PXDN: variants seen among roughly 807,000 people sequenced by gnomAD.
The protein encoded by PXDN is peroxidasin.
In PXDN, 77 loss-of-function variants were observed where a neutral mutation model predicts 140.3. The observed-to-expected ratio is 0.55, with a 90% confidence interval of 0.46 to 0.66. PXDN has a LOEUF of 0.66. Among genes scored for constraint, PXDN ranks in the 30% least tolerant of loss-of-function variants. The pLI, the probability that PXDN is intolerant of heterozygous loss-of-function variation, is 0.00. For missense variants in PXDN, 1,838 were observed against 2,039.5 expected, an observed-to-expected ratio of 0.90 and a Z score of 1.90; for synonymous variants, 911 against 857.4, an observed-to-expected ratio of 1.06 and a Z score of -1.09.
At chr2:1,717,013 G>A (rs1457176984) in intron 1 of PXDN, among the ~76,000 whole-genome samples, 1 of 152,104 alleles carries the variant, frequency 6.6e-6, no homozygotes, top group African/African-American at 2.4e-5. Flanking sequence ...ACAGCCCCTT[G>A]GTAAGCACGA....
rs182423281 is a variant in PXDN, at chr2:1,721,611, C to T, written c.200+22645G>A. 3.0e-3 allele frequency among the ~76,000 whole-genome samples: 450 copies of T among 152,202 alleles called. 12 individuals are homozygous for T. Among genetic ancestry groups the T allele is most frequent in the East Asian group, 9.7e-4 (5 of 5,140 alleles). ...CAGCACTTTGGGAGGCCGAGGCGGG[C>T]GGATCACGAGGTCAGGAGATCAAGA... On this transcript the variant is annotated intron_variant, in intron 1 of 22. Coordinates refer to ENST00000252804, the MANE Select transcript of PXDN (RefSeq NM_012293.3).
intron 1 of PXDN, among the ~76,000 whole-genome samples, chr2:1,728,185 G>A (rs1218070427): frequency 6.6e-6 from 1 of 152,166 alleles, no homozygotes; most frequent in African/African-American, 2.4e-5. Context: ...AGATCCATCC[G>A]CCTCAGCCTC....
rs1451552405 is a variant in PXDN at position 1,649,503 on chromosome 2, C to T, written c.2277G>A (p.Ser759=). 4 of 1,613,864 alleles carry T rather than the reference C, an allele frequency of 2.5e-6. No homozygotes were observed. In the South Asian group the frequency reaches 3.3e-5, roughly 13 times the overall value. The change falls in exon 17 of 23, where the codon TCG becomes TCA. Residue 759 remains serine, a synonymous_variant. Coordinates refer to ENST00000252804, the MANE Select transcript of PXDN (RefSeq NM_012293.3). The surrounding 1 kb of genome is among the most constrained non-coding windows in gnomAD (Gnocchi z 7.1). ...TCAGCAGGCGCTCGAAGGCGGTCAG[C>T]GAGGCGCCCCACATGGGGTGCTGCA... The part of the protein sequence containing the change: ...NNLQHPMWGA[S]LTAFERLLKS...
At chr2:1,670,819 G>C (rs945649647) in intron 9 of PXDN, among the ~76,000 whole-genome samples, 1 of 152,128 alleles carries the variant, frequency 6.6e-6, no homozygotes, top group African/African-American at 2.4e-5. Flanking sequence ...CTGTGCCCTC[G>C]GCATGAGAAA....
intron 1 of PXDN, among the ~76,000 whole-genome samples, chr2:1,726,983 C>T (rs1380965143): frequency 1.3e-5 from 2 of 152,130 alleles, no homozygotes; most frequent in African/African-American, 4.8e-5. Context: ...ATGTCCTGGA[C>T]CCCCGGAAGG....
chr2:1,721,814 A>AAAAT (rs3083574), intron 1 of PXDN, among the ~76,000 whole-genome samples: 52,283 of 151,140 alleles, frequency 0.35, 10,043 homozygotes, highest in Admixed American at 0.47. Context: ...ACTCCGTCTC[A>AAAAT]AAATAAATAA....
chr2:1,689,784 CA>C (rs59005952), intron 3 of PXDN, among the ~76,000 whole-genome samples: 270 of 118,280 alleles, frequency 2.3e-3, no homozygotes, highest in South Asian at 0.012. Context: ...AACTCCACCT[CA>C]AAAAAAAAAA....
At chr2:1,706,301 T>C (rs562645341) in intron 1 of PXDN, among the ~76,000 whole-genome samples, 2 of 152,324 alleles carry the variant, frequency 1.3e-5, no homozygotes, top group Non-Finnish European at 2.9e-5. Flanking sequence ...CCTGCCTCCA[T>C]GTGATATCAA....
chr2:1,659,340 A>T (rs1683250407), intron 14 of PXDN, among the ~76,000 whole-genome samples: 1 of 152,238 alleles, frequency 6.6e-6, no homozygotes. Flanking sequence ...TTTGGTGTGT[A>T]TCTCAGAGCC....
In PXDN at chr2:1,662,149, T is replaced by C. The variant is rs1683320299; in HGVS notation, c.1603A>G (p.Thr535Ala). The C allele has an allele frequency of 2.5e-6, 4 of 1,594,766 alleles. No homozygotes were observed. The highest frequency in any genetic ancestry group is 1.3e-5 in the African/African-American group (1 of 74,670). Reference protein sequence around the residue: ...PVFASIPSDTTVEVGANVQLP... With the variant: ...PVFASIPSDTAVEVGANVQLP... ...TGCACATTGGCGCCCACCTCCACTG[T>C]TGTGTCGCTGGGAATGCTGGCAAAC... Residue 535 changes from threonine to alanine, a missense_variant, in exon 13 of 23, where the codon ACA (threonine) becomes GCA (alanine). By Grantham distance (58) the Thr-to-Ala change is moderately conservative. This residue lies in a region of PXDN where 537 missense variants were observed against 583.9 expected (regional missense o/e 0.92). Transcript: ENST00000252804.
intron 8 of PXDN, among the ~76,000 whole-genome samples, chr2:1,675,854 AC>A (rs140206354): frequency 0.018 from 2,709 of 150,270 alleles, 85 homozygotes; most frequent in African/African-American, 0.064. Flanking sequence ...CACATCTCAG[AC>A]GCATCCCTCT....
In PXDN at chr2:1,639,145, G is replaced by A. The variant is rs562878876; in HGVS notation, c.4073+157C>T. ...CCTGATGCTCTGAGTGGGCAGCACA[G>A]CAGGACGCAGGCTGCGGCCTGGCCC... On this transcript the variant is annotated intron_variant, in intron 20 of 22. Coordinates refer to ENST00000252804, the MANE Select transcript of PXDN (RefSeq NM_012293.3). This position sits in a 1 kb window ranked among gnomAD's most constrained non-coding sequence, Gnocchi z 5.0. Among the ~76,000 whole-genome samples, 28 of 151,908 alleles carry A rather than the reference G, an allele frequency of 1.8e-4. No homozygotes were observed. Among genetic ancestry groups the A allele is most frequent in the African/African-American group, 6.8e-4 (28 of 41,466 alleles).
chr2:1,658,770 C>T (rs1260836295), intron 14 of PXDN, among the ~76,000 whole-genome samples: 1 of 113,012 alleles, frequency 8.8e-6, no homozygotes, highest in Non-Finnish European at 1.8e-5. Flanking sequence ...CGGCATCGGG[C>T]TCATTCTGAC....
chr2:1,676,877 G>A (rs779354863), intron 8 of PXDN, 50 bp downstream of exon 8: 32 of 1,538,200 alleles, frequency 2.1e-5, no homozygotes, highest in African/African-American at 1.4e-5. Flanking sequence ...GGGTGTCTGA[G>A]TGTAACTCCG....
At chr2:1,676,631 C>G (rs987021970) in intron 8 of PXDN, 5 of 455,126 alleles carry the variant, frequency 1.1e-5, no homozygotes, top group Non-Finnish European at 2.0e-5. Context: ...AGAGAACAAC[C>G]AGCATGCTCT....
At chr2:1,696,008 C>T (rs1684293108) in intron 1 of PXDN, among the ~76,000 whole-genome samples, 1 of 152,144 alleles carries the variant, frequency 6.6e-6, no homozygotes, top group Admixed American at 6.5e-5. Context: ...GTCCCATCCA[C>T]AGGCCCCTGT....
intron 8 of PXDN, chr2:1,676,491 G>T: frequency 5.5e-6 from 1 of 182,390 alleles, no homozygotes. Flanking sequence ...CCAGGCTCCT[G>T]AGGACGCCGT....
upstream of PXDN, chr2:1,744,598 G>A (rs1457615311): frequency 5.7e-6 from 4 of 698,948 alleles, no homozygotes; most frequent in Non-Finnish European, 7.8e-6. Context: ...GCTCCTCCCG[G>A]CCCCTCTGAA....
At chr2:1,713,531 C>G (rs992647615) in intron 1 of PXDN, among the ~76,000 whole-genome samples, 1 of 152,214 alleles carries the variant, frequency 6.6e-6, no homozygotes, top group African/African-American at 2.4e-5. Context: ...CTGCCTCTGA[C>G]AGGAGAGCCC....
Sources: allele counts gnomAD v4.1 joint callset (sites outside exome capture counted in the v4.1 genomes callset), GRCh38; gene constraint gnomAD v4.1.1; regional missense constraint gnomAD v4.1.1; non-coding constraint Gnocchi (gnomAD v3.1); transcripts MANE v1.5; gene names NCBI Gene and HGNC (gene_info 2026-07-23, HGNC 2026-07-21).